The following CDC42BPB variants were observed in gnomAD, a reference collection of about 807,000 sequenced individuals.
CDC42BPB encodes the protein CDC42 binding protein kinase beta, also known as serine/threonine-protein kinase MRCK beta.
In CDC42BPB, 37 loss-of-function variants were observed where a neutral mutation model predicts 214.9. That is an observed-to-expected ratio of 0.17 (90% CI 0.13 to 0.23). CDC42BPB has a LOEUF of 0.23. Among genes scored for constraint, CDC42BPB ranks in the 10% least tolerant of loss-of-function variants. The probability of loss-of-function intolerance (pLI) is 1.00; values close to 1 mark genes in which losing one functional copy is unlikely to be tolerated. For synonymous variants in CDC42BPB, 931 were observed against 884.0 expected, an observed-to-expected ratio of 1.05 and a Z score of -0.94; for missense variants, 1,694 against 2,227.0, an observed-to-expected ratio of 0.76 and a Z score of 4.82.
intron 5 of CDC42BPB, among the ~76,000 whole-genome samples, chr14:102,989,444 G>GC (rs1305733740): frequency 3.9e-5 from 6 of 152,332 alleles, no homozygotes; most frequent in Non-Finnish European, 8.8e-5. Context: ...AAACCACCTT[G>GC]CACAAGGGTA....
chr14:102,946,750 C>T (rs569319547), intron 27 of CDC42BPB, 66 bp from the exon 28 acceptor site: 65 of 1,577,978 alleles, frequency 4.1e-5, no homozygotes, highest in African/African-American at 3.2e-4. Flanking sequence ...GCAGCTACCA[C>T]GGCCCTGCTG....
At chr14:102,964,904 T>C (rs534886014) in intron 18 of CDC42BPB, 1 of 426,092 alleles carries the variant, frequency 2.3e-6, no homozygotes, top group Non-Finnish European at 3.1e-6. Context: ...GATTCTGTAG[T>C]GCAATTTCTT....
intron 1 of CDC42BPB, among the ~76,000 whole-genome samples, chr14:103,047,013 G>A (rs969218650): frequency 4.0e-5 from 6 of 151,428 alleles, no homozygotes; most frequent in South Asian, 2.1e-4. Context: ...GGCTGGGCGC[G>A]GCAGCTCATG....
At chr14:103,041,672 TGC>T (rs1470979658) in intron 1 of CDC42BPB, 1 of 566,244 alleles carries the variant, frequency 1.8e-6, no homozygotes, top group African/African-American at 1.9e-5. Flanking sequence ...CACACCAAGG[TGC>T]GCACCGGCCG....
intron 1 of CDC42BPB, among the ~76,000 whole-genome samples, chr14:103,027,730 A>G (rs1887131837): frequency 6.6e-6 from 1 of 152,242 alleles, no homozygotes; most frequent in Admixed American, 6.5e-5. Flanking sequence ...AATGCTAAGT[A>G]CTGCTAATGG....
rs112383152 is a variant in CDC42BPB, at chr14:102,961,609, G to A, written c.2821+1452C>T. Among the ~76,000 whole-genome samples, 1,399 of 150,462 alleles carry A rather than the reference G, an allele frequency of 9.3e-3. 27 individuals carry two copies. The highest frequency in any genetic ancestry group is 0.032 in the African/African-American group (1,299 of 40,698). ...TGCAATGGTGCAATCTCGGCTCACC[G>A]CAACCTCTGCCTCCCGGGTTGAGGT... On this transcript the variant is annotated intron_variant, in intron 20 of 36. Coordinates refer to ENST00000361246, the MANE Select transcript of CDC42BPB (RefSeq NM_006035.4).
At chr14:102,982,108 G>A (rs1894031461) in intron 7 of CDC42BPB, among the ~76,000 whole-genome samples, 1 of 152,138 alleles carries the variant, frequency 6.6e-6, no homozygotes, top group Non-Finnish European at 1.5e-5. Flanking sequence ...AGTCCCAGTT[G>A]TTACTTTAAC....
In CDC42BPB at chr14:102,940,040, G is replaced by C; in HGVS notation, c.4591+6C>G. On this transcript the variant is annotated splice_donor_region_variant and intron_variant, in intron 32 of 36. Coordinates refer to ENST00000361246, the MANE Select transcript of CDC42BPB (RefSeq NM_006035.4). ...CCCTCCACTCCCGGTGCAGAGGAAG[G>C]CTCACCCGAGAACTTGCTCTTGAAG... 1.2e-6 allele frequency: 2 copies of C among 1,613,948 alleles called. No individual in the cohort carries two copies. The highest frequency in any genetic ancestry group is 1.7e-6 in the Non-Finnish European group (2 of 1,180,026).
intron 1 of CDC42BPB, among the ~76,000 whole-genome samples, chr14:103,046,309 C>T (rs1242920827): frequency 6.6e-6 from 1 of 152,060 alleles, no homozygotes; most frequent in Non-Finnish European, 1.5e-5. Context: ...CTGGCAGTGG[C>T]CCTCAAATTG....
intron 20 of CDC42BPB, among the ~76,000 whole-genome samples, chr14:102,962,601 G>A (rs1893010562): frequency 6.6e-6 from 1 of 152,230 alleles, no homozygotes; most frequent in East Asian, 1.9e-4. Context: ...TGTAATTCCA[G>A]CACTTTGGGA....
At chr14:102,952,906 C>G (rs918833848) in intron 23 of CDC42BPB, 1 of 191,982 alleles carries the variant, frequency 5.2e-6, no homozygotes, top group Non-Finnish European at 9.6e-6. Flanking sequence ...CTTTCTGGCT[C>G]ATGCTCCTGG....
chr14:102,947,232 C>T (rs35242519), intron 27 of CDC42BPB, among the ~76,000 whole-genome samples: 1,586 of 152,256 alleles, frequency 0.01, 32 homozygotes, highest in African/African-American at 0.035. Context: ...AGAAAATTCC[C>T]AGTGGAGGGG....
chr14:102,936,982 T>G (rs1891671863), intron 36 of CDC42BPB: 2 of 152,182 alleles, frequency 1.3e-5, no homozygotes, highest in Admixed American at 1.3e-4. Flanking sequence ...GAGACCAGCC[T>G]GGGCAACAAA....
At chr14:103,015,128 G>A (rs974628457) in intron 1 of CDC42BPB, among the ~76,000 whole-genome samples, 2 of 152,192 alleles carry the variant, frequency 1.3e-5, no homozygotes, top group Non-Finnish European at 2.9e-5. Context: ...TTCGAGGCAA[G>A]CCTGGGGTGA....
At chr14:102,966,802 G>C in intron 17 of CDC42BPB, among the ~76,000 whole-genome samples, 1 of 152,204 alleles carries the variant, frequency 6.6e-6, no homozygotes, top group Non-Finnish European at 1.5e-5. Flanking sequence ...CTCTGAGAAC[G>C]CAAGGGGTGT....
At chr14:102,968,409 T>A (rs775069975) in intron 15 of CDC42BPB, 51 bp from the exon 16 acceptor site, 1 of 1,611,886 alleles carries the variant, frequency 6.2e-7, no homozygotes, top group South Asian at 1.1e-5. Flanking sequence ...TTCACTGATA[T>A]TCGTATCTAT....
intron 27 of CDC42BPB, among the ~76,000 whole-genome samples, 172 bp downstream of exon 27, chr14:102,947,549 C>T (rs1011431530): frequency 1.3e-5 from 2 of 152,156 alleles, no homozygotes; most frequent in Non-Finnish European, 2.9e-5. Context: ...GAGACGGGCA[C>T]AGGCTGCTAC....
Position 102,980,774 on chromosome 14 carries a change from G to A in CDC42BPB, c.1139C>T (p.Thr380Met), listed in dbSNP as rs1487065711. ...TGAGAACGGTGCTTTCACACTCACC[G>A]TGTTTCTCAGCACGTCGTCATCCAC... ...FDVDDDVLRNTEILPPGSHTG... is the reference protein window; with the variant it reads ...FDVDDDVLRNMEILPPGSHTG... The change falls in exon 8 of 37, where the codon ACG becomes ATG. Residue 380 changes from threonine (T) to methionine (M), a missense_variant and splice_region_variant. This residue lies in a region of CDC42BPB where 225 missense variants were observed against 459.3 expected (regional missense o/e 0.49). Coordinates refer to ENST00000361246, the MANE Select transcript of CDC42BPB (RefSeq NM_006035.4). 4.3e-6 allele frequency: 7 copies of A among 1,613,974 alleles called. No homozygotes were observed. Among genetic ancestry groups the A allele is most frequent in the Non-Finnish European group, 5.9e-6 (7 of 1,179,824 alleles).
chr14:102,987,830 G>A (rs565127922), intron 5 of CDC42BPB, among the ~76,000 whole-genome samples: 1 of 126,122 alleles, frequency 7.9e-6, no homozygotes, highest in South Asian at 2.5e-4. Flanking sequence ...CACACGGCCA[G>A]GTGCAGTGGC....
Sources: allele counts gnomAD v4.1 joint callset (sites outside exome capture counted in the v4.1 genomes callset), GRCh38; gene constraint gnomAD v4.1.1; regional missense constraint gnomAD v4.1.1; transcripts MANE v1.5; gene names NCBI Gene and HGNC (gene_info 2026-07-23, HGNC 2026-07-21).